TMCO5A: variants seen among roughly 807,000 people sequenced by gnomAD.
TMCO5A encodes transmembrane and coiled-coil domains 5A, also known as transmembrane and coiled-coil domain-containing protein 5A.
In TMCO5A, 34 loss-of-function variants were observed where a neutral mutation model predicts 42.3. That is an observed-to-expected ratio of 0.80 (90% CI 0.61 to 1.07). The LOEUF is 1.07. Ranked by LOEUF, TMCO5A falls within the 50% of genes least tolerant of loss-of-function variation. TMCO5A has a pLI of 0.00. For missense variants in TMCO5A, 357 were observed against 327.9 expected, an observed-to-expected ratio of 1.09 and a Z score of -0.69; for synonymous variants, 131 against 115.6, an observed-to-expected ratio of 1.13 and a Z score of -0.86.
At chr15:37,960,166 A>G (rs1436083766) in intron 11 of TMCO5A, among the ~76,000 whole-genome samples, 1 of 150,992 alleles carries the variant, frequency 6.6e-6, no homozygotes, top group East Asian at 1.9e-4. Context: ...TTTTCCCTAC[A>G]TTTTTGTCCC....
chr15:37,996,136 C>G, the TMCO5A span, among the ~76,000 whole-genome samples: 1 of 152,236 alleles, frequency 6.6e-6, no homozygotes, highest in African/African-American at 2.4e-5. Context: ...CTCACTGATT[C>G]AATCATTTTA....
the TMCO5A span, among the ~76,000 whole-genome samples, chr15:37,980,115 A>G: frequency 6.6e-6 from 1 of 152,126 alleles, no homozygotes; most frequent in Non-Finnish European, 1.5e-5. Context: ...CATCCCAGGG[A>G]AGTGCAGAGG....
chr15:37,969,089 C>T (rs1054228163), downstream of TMCO5A, among the ~76,000 whole-genome samples: 7 of 151,952 alleles, frequency 4.6e-5, no homozygotes, highest in Admixed American at 1.3e-4. Flanking sequence ...TATGATAAGT[C>T]CTATAACAGA....
chr15:37,980,049 G>A, the TMCO5A span, among the ~76,000 whole-genome samples: 2 of 152,226 alleles, frequency 1.3e-5, no homozygotes, highest in African/African-American at 4.8e-5. Context: ...GGCAGCGGGA[G>A]CTGGGAGCTG....
chr15:38,012,187 T>G, the TMCO5A span, among the ~76,000 whole-genome samples: 36 of 152,114 alleles, frequency 2.4e-4, no homozygotes, highest in African/African-American at 8.7e-4. Context: ...TTCATAGATT[T>G]CCTTGCATTT....
chr15:38,009,956 T>C, the TMCO5A span, among the ~76,000 whole-genome samples: 2 of 152,178 alleles, frequency 1.3e-5, no homozygotes, highest in East Asian at 3.9e-4. Context: ...CTGGACTCTG[T>C]AAATGTCACC....
chr15:38,040,441 C>T, the TMCO5A span: 2 of 152,272 alleles, frequency 1.3e-5, no homozygotes, highest in East Asian at 3.9e-4. Context: ...TAAGTTTACT[C>T]TTAGGTACAT....
chr15:38,015,111 G>A, the TMCO5A span, among the ~76,000 whole-genome samples: 1 of 151,478 alleles, frequency 6.6e-6, no homozygotes, highest in African/African-American at 2.4e-5. Context: ...ATATTTGCTG[G>A]CAGCTGATTC....
chr15:37,946,929 C>T (rs1005087588), intron 10 of TMCO5A, among the ~76,000 whole-genome samples: 1 of 152,010 alleles, frequency 6.6e-6, no homozygotes, highest in African/African-American at 2.4e-5. Flanking sequence ...TTGTCTTGTG[C>T]CAGTTTTCAA....
chr15:38,015,209 A>T, the TMCO5A span, among the ~76,000 whole-genome samples: 1 of 152,084 alleles, frequency 6.6e-6, no homozygotes, highest in African/African-American at 2.4e-5. Flanking sequence ...CCTCATAGAC[A>T]CACCCAGGAT....
the TMCO5A span, among the ~76,000 whole-genome samples, chr15:38,011,683 T>C: frequency 2.0e-5 from 3 of 152,184 alleles, no homozygotes; most frequent in Non-Finnish European, 2.9e-5. Context: ...AAGTTCCCAG[T>C]TGTTCAATCT....
intron 11 of TMCO5A, among the ~76,000 whole-genome samples, chr15:37,960,357 A>C (rs919526911): frequency 1.5e-4 from 23 of 152,184 alleles, no homozygotes; most frequent in African/African-American, 4.6e-4. Context: ...TGCAAATGCC[A>C]TTATTTCATT....
chr15:37,957,716 T>C (rs1215893284), intron 11 of TMCO5A, among the ~76,000 whole-genome samples: 1 of 152,182 alleles, frequency 6.6e-6, no homozygotes, highest in Non-Finnish European at 1.5e-5. Flanking sequence ...CCACTGACTT[T>C]ATTCAAAGAA....
the TMCO5A span, among the ~76,000 whole-genome samples, chr15:38,011,278 G>T: frequency 6.6e-6 from 1 of 152,106 alleles, no homozygotes; most frequent in African/African-American, 2.4e-5. Flanking sequence ...TAGACTGAGG[G>T]CCTCAAATCT....
At chr15:38,015,707 G>T in the TMCO5A span, among the ~76,000 whole-genome samples, 1 of 152,102 alleles carries the variant, frequency 6.6e-6, no homozygotes, top group Non-Finnish European at 1.5e-5. Context: ...CCAGACAATG[G>T]ACTATTTATT....
downstream of TMCO5A, among the ~76,000 whole-genome samples, chr15:37,956,378 C>G (rs1890292204): frequency 6.6e-6 from 1 of 151,840 alleles, no homozygotes; most frequent in African/African-American, 2.4e-5. Flanking sequence ...AACAGAGAAT[C>G]AAATAGACGC....
chr15:38,015,319 T>C, the TMCO5A span, among the ~76,000 whole-genome samples: 2,278 of 152,118 alleles, frequency 0.015, 49 homozygotes, highest in African/African-American at 0.052. Flanking sequence ...TAGGAAACAA[T>C]AAGATACGAA....
At chr15:37,976,796 T>TC in the TMCO5A span, among the ~76,000 whole-genome samples, 2 of 125,226 alleles carry the variant, frequency 1.6e-5, no homozygotes, top group African/African-American at 4.6e-5. Context: ...CTTCTTTCTT[T>TC]TTTTTTTTTT....
chr15:38,007,390 A>ACTT, the TMCO5A span, among the ~76,000 whole-genome samples: 1 of 152,246 alleles, frequency 6.6e-6, no homozygotes, highest in Admixed American at 6.5e-5. Context: ...TCTTCAGAAT[A>ACTT]CTTCTACCTG....
Sources: allele counts gnomAD v4.1 joint callset (sites outside exome capture counted in the v4.1 genomes callset), GRCh38; gene constraint gnomAD v4.1.1; transcripts MANE v1.5; gene names NCBI Gene and HGNC (gene_info 2026-07-23, HGNC 2026-07-21).